The following GFRAL variants were observed in gnomAD, a reference collection of about 807,000 sequenced individuals.
The protein encoded by GFRAL is GDNF family receptor alpha like, also known as GDNF family receptor alpha-like.
A neutral mutation model predicts 45.4 loss-of-function variants in GFRAL; 36 were observed. The observed-to-expected ratio is 0.79, with a 90% CI of 0.61 to 1.05. GFRAL has a LOEUF of 1.05. GFRAL is among the 50% of genes least tolerant of loss of function. The pLI is 0.00. For missense variants in GFRAL, 507 were observed against 467.5 expected, an observed-to-expected ratio of 1.08 and a Z score of -0.78; for synonymous variants, 166 against 154.1, an observed-to-expected ratio of 1.08 and a Z score of -0.57.
At chr6:55,388,562 T>C (rs907614383) in intron 6 of GFRAL, among the ~76,000 whole-genome samples, 3 of 152,224 alleles carry the variant, frequency 2.0e-5, no homozygotes, top group African/African-American at 7.2e-5. Flanking sequence ...ATTGAAAATG[T>C]ACACTAAGCA....
rs183176913 is a variant in GFRAL at position 55,373,917 on chromosome 6, C to T, written c.952+14779C>T. Among the ~76,000 whole-genome samples the T allele has an allele frequency of 7.9e-5, 12 of 152,230 alleles. No individual in the cohort carries two copies. In the East Asian group the frequency reaches 2.1e-3, roughly 27 times the overall value. On this transcript the variant is annotated intron_variant, in intron 6 of 8. Coordinates refer to ENST00000340465, the MANE Select transcript of GFRAL (RefSeq NM_207410.2). ...CTCCCTCCTCCCACCAGCCACCTGA[C>T]AGGCTGCAGCATTTGTTGTTCCCAC...
chr6:55,331,800 T>C lies in GFRAL; in HGVS notation c.108T>C (p.Asn36=). Residue 36 remains asparagine, a synonymous_variant, in exon 2 of 9, where the codon AAT becomes AAC. Transcript: ENST00000340465. ...YLREQCLRDA[N]GCKHAWRVME... Reference sequence around the variant, plus strand: ...GAGAGCAATGCTTACGTGATGCAAATGGATGTAAACATGCTTGGAGAGTAA... The same window carrying C: ...GAGAGCAATGCTTACGTGATGCAAACGGATGTAAACATGCTTGGAGAGTAA... 1 of 1,611,918 alleles carries C rather than the reference T, an allele frequency of 6.2e-7. No individual in the cohort carries two copies. The highest frequency in any genetic ancestry group is 1.1e-5 in the South Asian group (1 of 90,660).
chr6:55,337,408 A>ATGC (rs528088213), intron 3 of GFRAL, among the ~76,000 whole-genome samples: 1 of 152,180 alleles, frequency 6.6e-6, no homozygotes, highest in Non-Finnish European at 1.5e-5. Context: ...TATCTAAGTT[A>ATGC]TGCTGGCCTG....
rs1245508702 is a variant in GFRAL, at chr6:55,361,876, T to C, written c.952+2738T>C. On this transcript the variant is annotated intron_variant, in intron 6 of 8. Transcript: ENST00000340465. ...TGAAAGGGTCAGAACTGAGTGGAAC[T>C]GAGAGGACTGTGAAGGGAGGCTTTT... Among the ~76,000 whole-genome samples the C allele has an allele frequency of 7.2e-5, 11 of 152,162 alleles. No homozygotes were observed. In the East Asian group the frequency reaches 2.1e-3, roughly 29 times the overall value.
intron 6 of GFRAL, among the ~76,000 whole-genome samples, chr6:55,396,765 T>C (rs892643067): frequency 6.6e-5 from 10 of 152,242 alleles, no homozygotes; most frequent in African/African-American, 2.4e-4. Flanking sequence ...AACTTTATAG[T>C]GAATATAAAA....
intron 6 of GFRAL, among the ~76,000 whole-genome samples, chr6:55,377,778 A>G (rs1220644625): frequency 6.6e-6 from 1 of 152,034 alleles, no homozygotes; most frequent in Non-Finnish European, 1.5e-5. Context: ...ATAGATACTG[A>G]AAGATCCAAA....
chr6:55,341,858 G>C (rs907134338), intron 3 of GFRAL, among the ~76,000 whole-genome samples: 1 of 152,156 alleles, frequency 6.6e-6, no homozygotes, highest in African/African-American at 2.4e-5. Flanking sequence ...ACCATGGCAC[G>C]AGAACTACAT....
At chr6:55,372,558 G>A (rs1313201443) in intron 6 of GFRAL, among the ~76,000 whole-genome samples, 1 of 152,102 alleles carries the variant, frequency 6.6e-6, no homozygotes, top group Non-Finnish European at 1.5e-5. Context: ...CTCAGCATAG[G>A]ACCTCTAAGT....
At chr6:55,366,950 A>C (rs1237085711) in intron 6 of GFRAL, among the ~76,000 whole-genome samples, 4 of 62,052 alleles carry the variant, frequency 6.4e-5, no homozygotes, top group Non-Finnish European at 5.7e-5. Context: ...GTAGATGTCT[A>C]TTAGGTCCGC....
intron 3 of GFRAL, among the ~76,000 whole-genome samples, chr6:55,335,293 G>C (rs991735): frequency 0.92 from 140,459 of 152,240 alleles, 65,567 homozygotes; most frequent in Non-Finnish European, 1. Flanking sequence ...TTTCTTCAAA[G>C]TTTTGTCCAT....
chr6:55,386,770 G>T (rs1768686405), intron 6 of GFRAL, among the ~76,000 whole-genome samples: 1 of 152,164 alleles, frequency 6.6e-6, no homozygotes, highest in South Asian at 2.1e-4. Context: ...GGAGACAAAT[G>T]CTGGCTTTAG....
At position 55,383,421 on chromosome 6, in the gene GFRAL, C is replaced by T. The variant is rs367817209; in HGVS notation, c.953-15759C>T. Among the ~76,000 whole-genome samples, 43 of 151,992 alleles carry T rather than the reference C, an allele frequency of 2.8e-4. 1 individual carries two copies. In the South Asian group the frequency reaches 3.7e-3, roughly 13 times the overall value. ...TGGTGGTCCCATAAAATTATAACAT[C>T]GTATTTTTACTGTGTTATACTTTGT... On this transcript the variant is annotated intron_variant, in intron 6 of 8. Transcript: ENST00000340465.
intron 6 of GFRAL, among the ~76,000 whole-genome samples, chr6:55,366,651 G>C (rs201643196): frequency 0.58 from 61,100 of 105,526 alleles, 20,622 homozygotes; most frequent in African/African-American, 0.75. Context: ...TCTTTGTTCT[G>C]GTTGGTTTCA....
intron 3 of GFRAL, among the ~76,000 whole-genome samples, chr6:55,336,961 A>T (rs7753994): frequency 0.92 from 140,321 of 152,074 alleles, 65,506 homozygotes; most frequent in Non-Finnish European, 1. Context: ...ATACTTTTTT[A>T]GCCTCTATTA....
At chr6:55,367,605 C>T (rs923985759) in intron 6 of GFRAL, among the ~76,000 whole-genome samples, 12 of 151,584 alleles carry the variant, frequency 7.9e-5, no homozygotes, top group African/African-American at 2.4e-4. Context: ...ATGTTTAGTG[C>T]TTCCTTCAGG....
At chr6:55,389,248 C>T (rs936568368) in intron 6 of GFRAL, among the ~76,000 whole-genome samples, 1 of 152,196 alleles carries the variant, frequency 6.6e-6, no homozygotes, top group African/African-American at 2.4e-5. Context: ...CTCCTTTCAC[C>T]CTCCACTCTT....
At chr6:55,399,137 T>G (rs766054229) in intron 6 of GFRAL, 43 bp from the exon 7 acceptor site, 1 of 989,242 alleles carries the variant, frequency 1.0e-6, no homozygotes, top group African/African-American at 1.7e-5. Flanking sequence ...ATTAAAATAA[T>G]GTATGATATG....
At chr6:55,393,447 C>T (rs1768781352) in intron 6 of GFRAL, among the ~76,000 whole-genome samples, 1 of 151,952 alleles carries the variant, frequency 6.6e-6, no homozygotes, top group South Asian at 2.1e-4. Context: ...TTACTGTGTC[C>T]CCTTGAAAAT....
intron 6 of GFRAL, among the ~76,000 whole-genome samples, chr6:55,360,265 A>G (rs1404476780): frequency 6.6e-6 from 1 of 151,926 alleles, no homozygotes; most frequent in Non-Finnish European, 1.5e-5. Context: ...CCCTACCCCT[A>G]GATCCCTAGC....
Sources: gnomAD v4.1 joint callset for allele counts (sites outside exome capture counted in the v4.1 genomes callset) on GRCh38, gnomAD v4.1.1 for gene constraint, MANE v1.5 for transcripts, NCBI Gene and HGNC (gene_info 2026-07-23, HGNC 2026-07-21) for gene names.